Variants in KANK3 observed in about 807,000 individuals in gnomAD.
KANK3 encodes the protein KN motif and ankyrin repeat domain-containing protein 3.
A neutral mutation model predicts 65.4 loss-of-function variants in KANK3; 61 were observed. That is an observed-to-expected ratio of 0.93 (90% CI 0.76 to 1.15). KANK3 has a LOEUF of 1.15. Ranked by LOEUF, KANK3 falls within the 50% of genes most tolerant of loss-of-function variation. KANK3 has a pLI of 0.00. For synonymous variants in KANK3, 586 were observed against 543.3 expected, an observed-to-expected ratio of 1.08 and a Z score of -1.09; for missense variants, 1,187 against 1,178.8, an observed-to-expected ratio of 1.01 and a Z score of -0.10.
chr19:8,324,592 G>A (rs780642731), intron 9 of KANK3, 38 bp downstream of exon 9: 1 of 1,612,250 alleles, frequency 6.2e-7, no homozygotes, highest in East Asian at 2.2e-5. Flanking sequence ...CAAGCCATGG[G>A]CACCCCCCAA....
Position 8,334,579 on chromosome 19 carries a change from C to G in KANK3, c.1248G>C (p.Glu416Asp). The G allele has an allele frequency of 1.9e-6, 3 of 1,596,128 alleles. No homozygotes were observed. Among genetic ancestry groups the G allele is most frequent in the South Asian group, 2.2e-5 (2 of 90,196 alleles). Residue 416 changes from glutamate to aspartate, a missense_variant, in exon 3 of 11, where the codon GAG (glutamate) becomes GAC (aspartate). By Grantham distance (45) the Glu-to-Asp change is conservative. This residue lies in a region of KANK3 where 1,078 missense variants were observed against 1,038.2 expected (regional missense o/e 1.04). Transcript: ENST00000330915. ...WSCAEKAAQT[E>D]SPAEAPSLTQ... ...TCAAGGAGGGCGCCTCTGCCGGGGACTCGGTCTGCGCGGCCTTTTCGGCAC... is the reference window on the plus strand; with the variant it reads ...TCAAGGAGGGCGCCTCTGCCGGGGAGTCGGTCTGCGCGGCCTTTTCGGCAC...
chr19:8,334,938 T>A lies in KANK3; in HGVS notation c.889A>T (p.Thr297Ser), dbSNP rs932795671. Residue 297 changes from threonine (T) to serine (S), a missense_variant, in exon 3 of 11, where the codon ACG (threonine) becomes TCG (serine). Physicochemically the swap from Thr to Ser is moderately conservative, Grantham distance 58 (BLOSUM62 1). This residue lies in a region of KANK3 where 1,078 missense variants were observed against 1,038.2 expected (regional missense o/e 1.04). Coordinates refer to ENST00000330915, the MANE Select transcript of KANK3 (RefSeq NM_198471.3). ...LDGEVGSLDG[T>S]PQTREVAAEA... ...GCGGCCACCTCCCGGGTCTGGGGCGTCCCATCGAGACTCCCGACCTCCCCG... is the reference window on the plus strand; with the variant it reads ...GCGGCCACCTCCCGGGTCTGGGGCGACCCATCGAGACTCCCGACCTCCCCG... The A allele has an allele frequency of 8.1e-6, 12 of 1,482,574 alleles. No homozygotes were observed. The highest frequency in any genetic ancestry group is 1.5e-5 in the African/African-American group (1 of 67,964). 91.8% of individuals were successfully genotyped at this position (1,482,574 alleles called of 1,614,324 possible).
intron 1 of KANK3, among the ~76,000 whole-genome samples, chr19:8,340,557 G>T (rs1970711574): frequency 6.6e-6 from 1 of 151,922 alleles, no homozygotes; most frequent in South Asian, 2.1e-4. Flanking sequence ...CTCTCCCTGG[G>T]CCACGGCCCG....
At chr19:8,332,887 G>A in intron 7 of KANK3, 127 bp downstream of exon 7, 1 of 548,746 alleles carries the variant, frequency 1.8e-6, no homozygotes, top group Non-Finnish European at 3.3e-6. Context: ...AACTCAAGGA[G>A]GAGTGGTGCC....
intron 10 of KANK3, among the ~76,000 whole-genome samples, chr19:8,324,245 C>G: frequency 6.6e-6 from 1 of 152,222 alleles, no homozygotes; most frequent in East Asian, 1.9e-4. Flanking sequence ...GCTCTGATCA[C>G]ACCACTACAC....
chr19:8,332,534 G>A (rs1211180269), intron 7 of KANK3, among the ~76,000 whole-genome samples: 1 of 151,634 alleles, frequency 6.6e-6, no homozygotes, highest in African/African-American at 2.4e-5. Context: ...ACCCAAGGAG[G>A]TTGGCTGGGC....
intron 7 of KANK3, among the ~76,000 whole-genome samples, chr19:8,332,000 T>C (rs1970533885): frequency 1.4e-5 from 2 of 138,548 alleles, no homozygotes; most frequent in African/African-American, 5.4e-5. Flanking sequence ...TTTTTTTTTT[T>C]TTTTTTTTTG....
intron 7 of KANK3, among the ~76,000 whole-genome samples, chr19:8,330,398 C>T (rs1389449814): frequency 6.6e-6 from 1 of 152,126 alleles, no homozygotes; most frequent in Non-Finnish European, 1.5e-5. Context: ...AGTTCAAGAC[C>T]AGCCTGGCCA....
chr19:8,322,976 C>G, intron 10 of KANK3, 54 bp from the exon 11 acceptor site: 3 of 1,050,390 alleles, frequency 2.9e-6, no homozygotes, highest in Non-Finnish European at 4.1e-6. Flanking sequence ...AGGCAGGAAA[C>G]GTGGGATTCA....
chr19:8,337,796 G>T lies in KANK3; in HGVS notation c.33C>A (p.Pro11=). Reference sequence around the variant, plus strand: ...ACATCTCTCTTTTTGCACACTCACCGGGCAGGTTCTGATTCAGGGCAAACT... The same window carrying T: ...ACATCTCTCTTTTTGCACACTCACCTGGCAGGTTCTGATTCAGGGCAAACT... MAKFALNQNL[P]DLGGPRLCPV... The change falls in exon 2 of 11, where the codon CCC becomes CCA. Residue 11 remains proline (P), a splice_region_variant and synonymous_variant. Coordinates refer to ENST00000330915, the MANE Select transcript of KANK3 (RefSeq NM_198471.3). 6.2e-7 allele frequency: 1 copy of T among 1,613,042 alleles called. No individual in the cohort carries two copies.
At chr19:8,334,212 G>A in intron 4 of KANK3, 96 bp from the exon 5 acceptor site, 1 of 1,524,562 alleles carries the variant, frequency 6.6e-7, no homozygotes, top group Non-Finnish European at 8.8e-7. Flanking sequence ...TAACGATGAG[G>A]AAACTGAGGA....
At chr19:8,324,388 C>G (rs1970380258) in intron 10 of KANK3, 61 bp downstream of exon 10, 1 of 1,463,344 alleles carries the variant, frequency 6.8e-7, no homozygotes, top group Non-Finnish European at 9.4e-7. Flanking sequence ...GGCATATTTA[C>G]TATCCTCTGC....
At position 8,335,261 on chromosome 19, in the gene KANK3, T is replaced by G; in HGVS notation, c.566A>C (p.Gln189Pro). 1 of 1,224,964 alleles carries G rather than the reference T, an allele frequency of 8.2e-7. No individual in the cohort carries two copies. The highest frequency in any genetic ancestry group is 1.0e-6 in the Non-Finnish European group (1 of 981,936). The allele number at this position is 1,224,964 out of a possible 1,614,324, so 75.9% of individuals were successfully genotyped here. Residue 189 changes from glutamine to proline, a missense_variant, in exon 3 of 11, where the codon CAG becomes CCG. Gln to Pro is a moderately conservative substitution (Grantham distance 76). Transcript: ENST00000330915. The part of the protein sequence containing the change: ...GPAQLQLVRE[Q>P]MAAALRRLRE... ...CAGGCGCCGCAGCGCCGCGGCCATC[T>G]GCTCGCGCACCAGCTGCAGTTGGGC...
rs1166441751 is a variant in KANK3, at chr19:8,331,980, CTTTTTTTTTTT to C, written c.1936+1023_1936+1033del. Among the ~76,000 whole-genome samples the C allele has an allele frequency of 3.7e-4, 25 of 67,900 alleles. 1 individual carries two copies. Among genetic ancestry groups the C allele is most frequent in the Admixed American group, 1.4e-3 (7 of 5,112 alleles). 44.5% of individuals were successfully genotyped at this position (67,900 alleles called of 152,430 possible). On this transcript the variant is annotated intron_variant, in intron 7 of 10. Transcript: ENST00000330915. ...GGGGTATGGTGGGGCCAAAAGGCCT[CTTTTTTTTTTT>C]TTTTTTTTTTTTTTTTTTGAGATGG...
intron 7 of KANK3, among the ~76,000 whole-genome samples, chr19:8,325,800 C>T (rs1970417765): frequency 6.6e-6 from 1 of 152,102 alleles, no homozygotes; most frequent in Non-Finnish European, 1.5e-5. Flanking sequence ...TCTGAATCCA[C>T]TCCAGGTTCC....
chr19:8,334,440 G>C, intron 3 of KANK3, 21 bp from the exon 4 acceptor site: 1 of 1,612,804 alleles, frequency 6.2e-7, no homozygotes. Flanking sequence ...TGAGATGAGG[G>C]CACTGAGTTC....
At chr19:8,325,273 A>G (rs887802228) in intron 7 of KANK3, among the ~76,000 whole-genome samples, 177 bp from the exon 8 acceptor site, 1 of 140,820 alleles carries the variant, frequency 7.1e-6, no homozygotes, top group Admixed American at 7.1e-5. Context: ...CCATCTGCTC[A>G]GTGAAGGACC....
Position 8,322,809 on chromosome 19 carries a change from A to T in KANK3, c.*30T>A. 6.5e-7 allele frequency: 1 copy of T among 1,539,140 alleles called. No individual in the cohort carries two copies. Among genetic ancestry groups the T allele is most frequent in the Non-Finnish European group, 9.0e-7 (1 of 1,114,882 alleles). On this transcript the variant is annotated 3_prime_UTR_variant, in exon 11 of 11. Coordinates refer to ENST00000330915, the MANE Select transcript of KANK3 (RefSeq NM_198471.3). ...GTGACTGACGAGGAGATCTCCCCAC[A>T]GCTAGGTGTAGTGAGCCAGACGAGG...
rs1035383447 is a variant in KANK3 at position 8,333,578 on chromosome 19, G to A, written c.1719+146C>T. 2.9e-6 allele frequency: 2 copies of A among 682,382 alleles called. No individual in the cohort carries two copies. The highest frequency in any genetic ancestry group is 4.7e-6 in the Non-Finnish European group (2 of 428,242). The allele number at this position is 682,382 out of a possible 1,614,324, so 42.3% of individuals were successfully genotyped here. The stretch of plus-strand genomic sequence containing the variant: ...ACCAAGGAAAGATCGGCGCTGTCCT[G>A]GGAAGGAGATCCCTTCGGAGAGCCT... On this transcript the variant is annotated intron_variant, in intron 6 of 10. Coordinates refer to ENST00000330915, the MANE Select transcript of KANK3 (RefSeq NM_198471.3). This position sits in a 1 kb window ranked among gnomAD's most constrained non-coding sequence, Gnocchi z 5.0.
Sources: allele counts gnomAD v4.1 joint callset (sites outside exome capture counted in the v4.1 genomes callset), GRCh38; gene constraint gnomAD v4.1.1; regional missense constraint gnomAD v4.1.1; non-coding constraint Gnocchi (gnomAD v3.1); transcripts MANE v1.5; gene names NCBI Gene and HGNC (gene_info 2026-07-23, HGNC 2026-07-21).